IRAG1: variants seen among roughly 807,000 people sequenced by gnomAD.
IRAG1 encodes the protein IP3R-associated cGMP kinase substrate.
A neutral mutation model predicts 106.2 loss-of-function variants in IRAG1; 62 were observed. That is an observed-to-expected ratio of 0.58 (90% confidence interval 0.48 to 0.72). The LOEUF (loss-of-function observed/expected upper bound fraction) is 0.72, where lower values mean the gene tolerates loss of function less well. Ranked by LOEUF, IRAG1 falls within the 30% of genes least tolerant of loss-of-function variation. The pLI is 0.00. For missense variants in IRAG1, 1,064 were observed against 1,140.7 expected, an observed-to-expected ratio of 0.93 and a Z score of 0.97; for synonymous variants, 462 against 443.9, an observed-to-expected ratio of 1.04 and a Z score of -0.51.
intron 5 of IRAG1, 124 bp downstream of exon 5, chr11:10,629,411 TGAG>T: frequency 1.0e-6 from 1 of 953,590 alleles, no homozygotes; most frequent in African/African-American, 1.7e-5. Flanking sequence ...TGACCTCTGC[TGAG>T]GAGAGCAGGT....
intron 1 of IRAG1, among the ~76,000 whole-genome samples, chr11:10,678,034 A>G (rs1052646934): frequency 1.4e-5 from 2 of 141,844 alleles, no homozygotes; most frequent in African/African-American, 5.5e-5. Context: ...TCTATCTATC[A>G]TCTATCTGTC....
chr11:10,692,086 T>C (rs1252981562), intron 1 of IRAG1, among the ~76,000 whole-genome samples: 1 of 152,164 alleles, frequency 6.6e-6, no homozygotes, highest in Non-Finnish European at 1.5e-5. Context: ...AGCTAGCACA[T>C]GGTTATCCCT....
intron 11 of IRAG1, among the ~76,000 whole-genome samples, chr11:10,607,482 T>G (rs915524954): frequency 1.4e-4 from 21 of 152,198 alleles, no homozygotes; most frequent in African/African-American, 4.6e-4. Context: ...TCTCCAGCTA[T>G]AGGCAGTCCC....
At chr11:10,590,905 A>G (rs1326429934) in intron 18 of IRAG1, among the ~76,000 whole-genome samples, 1 of 152,076 alleles carries the variant, frequency 6.6e-6, no homozygotes, top group African/African-American at 2.4e-5. Context: ...CCTCTCACCA[A>G]CCCCAGGGAA....
chr11:10,680,391 AGG>A (rs1375465879), intron 1 of IRAG1, among the ~76,000 whole-genome samples: 20 of 82,486 alleles, frequency 2.4e-4, no homozygotes, highest in African/African-American at 7.6e-4. Context: ...GAAGGAAGGA[AGG>A]AAGGAAGGAA....
At chr11:10,617,047 C>T in intron 10 of IRAG1, 1 of 985,164 alleles carries the variant, frequency 1.0e-6, no homozygotes. Flanking sequence ...TTACCTCTTT[C>T]TTCTCAGGGA....
At chr11:10,649,738 G>C (rs1038508158) in intron 2 of IRAG1, among the ~76,000 whole-genome samples, 2 of 152,116 alleles carry the variant, frequency 1.3e-5, no homozygotes, top group Non-Finnish European at 2.9e-5. Flanking sequence ...TGCCACAATG[G>C]GGGGAGGGTT....
At chr11:10,631,890 G>C in intron 4 of IRAG1, 101 bp downstream of exon 4, 1 of 915,262 alleles carries the variant, frequency 1.1e-6, no homozygotes, top group Non-Finnish European at 1.8e-6. Flanking sequence ...CTTATCGGGA[G>C]GGAGCGCCTT....
chr11:10,658,986 A>G (rs1162508989), intron 1 of IRAG1, among the ~76,000 whole-genome samples: 1 of 100,648 alleles, frequency 9.9e-6, no homozygotes, highest in Non-Finnish European at 2.1e-5. Flanking sequence ...GTGGCTGCCC[A>G]ACGTCTGTGC....
intron 1 of IRAG1, among the ~76,000 whole-genome samples, chr11:10,689,244 C>T (rs1223585081): frequency 1.3e-5 from 2 of 152,076 alleles, no homozygotes; most frequent in African/African-American, 2.4e-5. Context: ...GCATATGAGG[C>T]TTAAATGAGG....
At chr11:10,648,012 C>A (rs1478717524) in intron 2 of IRAG1, among the ~76,000 whole-genome samples, 1 of 152,158 alleles carries the variant, frequency 6.6e-6, no homozygotes, top group Non-Finnish European at 1.5e-5. Context: ...ACAGAGCTGG[C>A]CAACCAGTGC....
Position 10,603,123 on chromosome 11 carries a change from G to A in IRAG1, c.1872C>T (p.Arg624=). 6.2e-7 allele frequency: 1 copy of A among 1,609,414 alleles called. No homozygotes were observed. Among genetic ancestry groups the A allele is most frequent in the Non-Finnish European group, 8.5e-7 (1 of 1,178,280 alleles). The change falls in exon 14 of 21, where the codon CGC becomes CGT. Residue 624 remains arginine (R), a synonymous_variant. Coordinates refer to ENST00000423302, the MANE Select transcript of IRAG1 (RefSeq NM_130385.4). ...SSRAEVVGAV[R]QEKRMSKATE... ...ACCGGGGGCTGGAGAGACTCACCTGGCGGACGGCGCCTACCACCTCAGCTC... is the reference window on the plus strand; with the variant it reads ...ACCGGGGGCTGGAGAGACTCACCTGACGGACGGCGCCTACCACCTCAGCTC...
intron 1 of IRAG1, among the ~76,000 whole-genome samples, chr11:10,674,664 C>T (rs1860508246): frequency 6.6e-6 from 1 of 152,214 alleles, no homozygotes; most frequent in South Asian, 2.1e-4. Context: ...GAAGGCATCA[C>T]ATGTTGCCCC....
At chr11:10,633,297 G>T (rs149163766) in intron 3 of IRAG1, among the ~76,000 whole-genome samples, 29 of 152,114 alleles carry the variant, frequency 1.9e-4, no homozygotes, top group African/African-American at 3.9e-4. Flanking sequence ...GGATGGTCTC[G>T]ATCTCCTGAC....
At chr11:10,679,781 TG>T (rs1009729390) in intron 1 of IRAG1, among the ~76,000 whole-genome samples, 1 of 152,258 alleles carries the variant, frequency 6.6e-6, no homozygotes, top group Non-Finnish European at 1.5e-5. Flanking sequence ...TCAGGAGCTC[TG>T]AAAAGAAAGC....
At chr11:10,600,702 G>T (rs1011232712) in intron 15 of IRAG1, among the ~76,000 whole-genome samples, 1 of 152,230 alleles carries the variant, frequency 6.6e-6, no homozygotes, top group African/African-American at 2.4e-5. Context: ...TGGGAGTTAG[G>T]AAGTCACTTT....
intron 20 of IRAG1, among the ~76,000 whole-genome samples, chr11:10,580,060 T>C (rs1187858020): frequency 6.6e-6 from 1 of 152,106 alleles, no homozygotes; most frequent in Non-Finnish European, 1.5e-5. Context: ...GGGCTTCGAG[T>C]CAACTCTCTT....
Position 10,604,440 on chromosome 11 carries a change from C to T in IRAG1, c.1708G>A (p.Glu570Lys). Residue 570 changes from glutamate to lysine, a missense_variant, in exon 13 of 21, where the codon GAG becomes AAG. Coordinates refer to ENST00000423302, the MANE Select transcript of IRAG1 (RefSeq NM_130385.4). ...RERNLTEENTEKELENFKASI... is the reference protein window; with the variant it reads ...RERNLTEENTKKELENFKASI... ...GCTTTGAAGTTTTCCAGTTCTTTCT[C>T]AGTGTTCTCCTCTGTCAGGTTGCGT... 6.2e-7 allele frequency: 1 copy of T among 1,614,064 alleles called. No individual in the cohort carries two copies. The highest frequency in any genetic ancestry group is 8.5e-7 in the Non-Finnish European group (1 of 1,179,896).
intron 8 of IRAG1, among the ~76,000 whole-genome samples, chr11:10,627,178 T>A (rs573705844): frequency 4.6e-5 from 7 of 152,284 alleles, no homozygotes; most frequent in African/African-American, 1.7e-4. Flanking sequence ...TCTGGGGGTC[T>A]GTGTGGCTGC....
Sources: allele counts gnomAD v4.1 joint callset (sites outside exome capture counted in the v4.1 genomes callset), GRCh38; gene constraint gnomAD v4.1.1; transcripts MANE v1.5; gene names NCBI Gene and HGNC (gene_info 2026-07-23, HGNC 2026-07-21).